The following C16orf82 variants were observed in gnomAD, a reference collection of about 807,000 sequenced individuals.
The protein encoded by C16orf82 is chromosome 16 open reading frame 82.
For synonymous variants in C16orf82, 82 were observed against 85.5 expected (o/e 0.96, Z 0.22); for missense variants, 176 against 206.1 (o/e 0.85, Z 0.89).
rs370002752 is a variant in C16orf82, at chr16:27,067,084, G to A, written c.89G>A (p.Ser30Asn). The A allele has an allele frequency of 5.6e-5, 77 of 1,367,620 alleles. No individual in the cohort carries two copies. In the African/African-American group the frequency reaches 1.0e-3, roughly 19 times the overall value. 84.7% of individuals were successfully genotyped at this position (1,367,620 alleles called of 1,614,324 possible). The stretch of plus-strand genomic sequence containing the variant: ...CAGAATGAGCAGGAAGGAGAGCCAA[G>A]CCTACAGTCACCCAGCTTAGAGCTC... The change falls in exon 1 of 1, where the codon AGC becomes AAC. Residue 30 changes from serine (S) to asparagine (N), a missense_variant. Coordinates refer to ENST00000505035, the MANE Select transcript of C16orf82 (RefSeq NM_001145545.2).
In C16orf82 at chr16:27,068,764, C is replaced by T. The variant is rs1324860504; in HGVS notation, c.*1304C>T. On this transcript the variant is annotated 3_prime_UTR_variant, in exon 1 of 1. Transcript: ENST00000505035. ...AGTGCTGTCTCTGGACATCTTCAGC[C>T]CAGAATCTTCTCAGGAGCAAAGGCT... The T allele has an allele frequency of 6.0e-6, 1 of 166,170 alleles. No homozygotes were observed. Among genetic ancestry groups the T allele is most frequent in the Non-Finnish European group, 1.5e-5 (1 of 68,084 alleles). 10.3% of individuals were successfully genotyped at this position (166,170 alleles called of 1,614,324 possible). A position where few individuals can be genotyped will look rare whatever the true frequency, so the allele number is the denominator to read the frequency against.
chr16:27,067,032 G>A lies in C16orf82; in HGVS notation c.37G>A (p.Glu13Lys), dbSNP rs369685237. 9.7e-5 allele frequency: 132 copies of A among 1,367,650 alleles called. No homozygotes were observed. In the East Asian group the frequency reaches 2.9e-3, roughly 30 times the overall value. The allele number at this position is 1,367,650 out of a possible 1,614,324, so 84.7% of individuals were successfully genotyped here. Residue 13 changes from glutamate (E) to lysine (K), a missense_variant, in exon 1 of 1, where the codon GAG (glutamate) becomes AAG (lysine). Transcript: ENST00000505035. ...ACTTCAGCTGCCCCCCATTTTTCTC[G>A]AGGGAGAAAAAGGGGAATCCTCTGT...
chr16:27,067,600 A>G lies in C16orf82; in HGVS notation c.*140A>G. On this transcript the variant is annotated 3_prime_UTR_variant, in exon 1 of 1. Transcript: ENST00000505035. ...AGCCAGCCTTCCCTCCACCCAGGCC[A>G]GCAGCCGTCAGAGCGTCCGGCTGGA... 1 of 620,478 alleles carries G rather than the reference A, an allele frequency of 1.6e-6. No homozygotes were observed. The highest frequency in any genetic ancestry group is 2.4e-6 in the Non-Finnish European group (1 of 409,720). 38.4% of individuals were successfully genotyped at this position (620,478 alleles called of 1,614,324 possible).
Position 27,067,172 on chromosome 16 carries a change from C to G in C16orf82, c.177C>G (p.Ser59Arg). The G allele has an allele frequency of 7.3e-7, 1 of 1,366,654 alleles. No individual in the cohort carries two copies. The highest frequency in any genetic ancestry group is 1.1e-5 in the South Asian group (1 of 87,828). 84.7% of individuals were successfully genotyped at this position (1,366,654 alleles called of 1,614,324 possible). Residue 59 changes from serine to arginine, a missense_variant, in exon 1 of 1, where the codon AGC (serine) becomes AGG (arginine). Coordinates refer to ENST00000505035, the MANE Select transcript of C16orf82 (RefSeq NM_001145545.2). ...AGGAGCCCCTGAAAGTGTCCAGCAG[C>G]TACCTCAGTGACACCCAGAGCAGCG...
rs1900442015 is a variant in C16orf82 at position 27,068,934 on chromosome 16, G to A, written c.*1474G>A. 1 of 166,892 alleles carries A rather than the reference G, an allele frequency of 6.0e-6. No homozygotes were observed. The highest frequency in any genetic ancestry group is 6.5e-5 in the Admixed American group (1 of 15,270). 10.3% of individuals were successfully genotyped at this position (166,892 alleles called of 1,614,324 possible). A position where few individuals can be genotyped will look rare whatever the true frequency, so the allele number is the denominator to read the frequency against. On this transcript the variant is annotated 3_prime_UTR_variant, in exon 1 of 1. Coordinates refer to ENST00000505035, the MANE Select transcript of C16orf82 (RefSeq NM_001145545.2). ...CAACCCAGCCGGGAACAGCTGCGAT[G>A]GGGAAGCTCTGGAGCATTTTGTGAG... is the stretch of plus-strand genomic sequence containing the variant.
rs892623248 is a variant in C16orf82, at chr16:27,068,144, C to T, written c.*684C>T. On this transcript the variant is annotated 3_prime_UTR_variant, in exon 1 of 1. Transcript: ENST00000505035. ...CATCTATAACAAGATCCATCAATGGCAAAACCATCTGTAGTCAGCAGCATC... is the reference window on the plus strand; with the variant it reads ...CATCTATAACAAGATCCATCAATGGTAAAACCATCTGTAGTCAGCAGCATC... 1.8e-5 allele frequency: 3 copies of T among 167,392 alleles called. No homozygotes were observed. In the Admixed American group the frequency reaches 2.0e-4, roughly 11 times the overall value. The allele number at this position is 167,392 out of a possible 1,614,324, so 10.4% of individuals were successfully genotyped here.
rs752892652 is a variant in C16orf82, at chr16:27,067,158, A to G, written c.163A>G (p.Lys55Glu). ...TGCAGGAGTGGCTCAGGAGCCCCTGAAAGTGTCCAGCAGCTACCTCAGTGA... is the reference window on the plus strand; with the variant it reads ...TGCAGGAGTGGCTCAGGAGCCCCTGGAAGTGTCCAGCAGCTACCTCAGTGA... The change falls in exon 1 of 1, where the codon AAA becomes GAA. Residue 55 changes from lysine (K) to glutamate (E), a missense_variant. Lys to Glu is a moderately conservative substitution (Grantham distance 56, BLOSUM62 1). Transcript: ENST00000505035. 5 of 1,366,538 alleles carry G rather than the reference A, an allele frequency of 3.7e-6. No individual in the cohort carries two copies. The Admixed American group carries it at 5.7e-5, about 16-fold the overall frequency. The allele number at this position is 1,366,538 out of a possible 1,614,324, so 84.7% of individuals were successfully genotyped here.
chr16:27,067,558 G>C lies in C16orf82; in HGVS notation c.*98G>C. 1 of 937,714 alleles carries C rather than the reference G, an allele frequency of 1.1e-6. No individual in the cohort carries two copies. The highest frequency in any genetic ancestry group is 1.4e-6 in the Non-Finnish European group (1 of 698,774). The allele number at this position is 937,714 out of a possible 1,614,324, so 58.1% of individuals were successfully genotyped here. On this transcript the variant is annotated 3_prime_UTR_variant, in exon 1 of 1. Coordinates refer to ENST00000505035, the MANE Select transcript of C16orf82 (RefSeq NM_001145545.2). ...TGCCCTCACCTACAAGGTGAGCAGC[G>C]GGCTGCTGACTTCCACAGCCAGCCT...
chr16:27,067,104 G>A lies in C16orf82; in HGVS notation c.109G>A (p.Glu37Lys). 1 of 1,367,484 alleles carries A rather than the reference G, an allele frequency of 7.3e-7. No individual in the cohort carries two copies. Among genetic ancestry groups the A allele is most frequent in the Non-Finnish European group, 9.8e-7 (1 of 1,021,748 alleles). 84.7% of individuals were successfully genotyped at this position (1,367,484 alleles called of 1,614,324 possible). Residue 37 changes from glutamate to lysine, a missense_variant, in exon 1 of 1, where the codon GAG becomes AAG. Glu to Lys is a moderately conservative substitution (Grantham distance 56). Transcript: ENST00000505035. ...GCCAAGCCTACAGTCACCCAGCTTA[G>A]AGCTCCAGTCCCCTGCGTGGCCACG... is the stretch of plus-strand genomic sequence containing the variant.
rs1451586871 is a variant in C16orf82, at chr16:27,067,366, C to T, written c.371C>T (p.Thr124Ile). The change falls in exon 1 of 1, where the codon ACC (threonine) becomes ATC (isoleucine). Residue 124 changes from threonine to isoleucine, a missense_variant. Physicochemically the swap from Thr to Ile is moderately conservative, Grantham distance 89. Transcript: ENST00000505035. Reference sequence around the variant, plus strand: ...AACACCCAGGCGGCCAGTAACCAAACCAGCCAGCTGGGCTCCATAGACCCT... The same window carrying T: ...AACACCCAGGCGGCCAGTAACCAAATCAGCCAGCTGGGCTCCATAGACCCT... 1.5e-6 allele frequency: 2 copies of T among 1,339,328 alleles called. No individual in the cohort carries two copies. Among genetic ancestry groups the T allele is most frequent in the Non-Finnish European group, 2.0e-6 (2 of 1,008,624 alleles). 83.0% of individuals were successfully genotyped at this position (1,339,328 alleles called of 1,614,324 possible). A position where few individuals can be genotyped will look rare whatever the true frequency, so the allele number is the denominator to read the frequency against.
chr16:27,067,522 T>A lies in C16orf82; in HGVS notation c.*62T>A. ...CCTGTCCAGCGCCAGCTTCATCAGC[T>A]TGGGCAGCAGTGCCCTCACCTACAA... On this transcript the variant is annotated 3_prime_UTR_variant, in exon 1 of 1. Transcript: ENST00000505035. 8.3e-7 allele frequency: 1 copy of A among 1,210,622 alleles called. No individual in the cohort carries two copies. Among genetic ancestry groups the A allele is most frequent in the Non-Finnish European group, 1.1e-6 (1 of 930,560 alleles). The allele number at this position is 1,210,622 out of a possible 1,614,324, so 75.0% of individuals were successfully genotyped here.
In C16orf82 at chr16:27,067,018, C is replaced by T. The variant is rs369651644; in HGVS notation, c.23C>T (p.Pro8Leu). The T allele has an allele frequency of 2.3e-5, 32 of 1,367,616 alleles. No individual in the cohort carries two copies. The highest frequency in any genetic ancestry group is 3.0e-5 in the Non-Finnish European group (31 of 1,021,884). 84.7% of individuals were successfully genotyped at this position (1,367,616 alleles called of 1,614,324 possible). A position where few individuals can be genotyped will look rare whatever the true frequency, so the allele number is the denominator to read the frequency against. Residue 8 changes from proline (P) to leucine (L), a missense_variant, in exon 1 of 1, where the codon CCC becomes CTC. By Grantham distance (98) the Pro-to-Leu change is moderately conservative. Transcript: ENST00000505035. ...TCCCTGGATAAACCACTTCAGCTGC[C>T]CCCCATTTTTCTCGAGGGAGAAAAA...
At position 27,068,093 on chromosome 16, in the gene C16orf82, A is replaced by G. The variant is rs1900424809; in HGVS notation, c.*633A>G. On this transcript the variant is annotated 3_prime_UTR_variant, in exon 1 of 1. Transcript: ENST00000505035. Reference sequence around the variant, plus strand: ...TGTCAAAACAGCGAAGAGTAATGACATCGACTGTGAACTTCAGTGACAAGC... The same window carrying G: ...TGTCAAAACAGCGAAGAGTAATGACGTCGACTGTGAACTTCAGTGACAAGC... The G allele has an allele frequency of 6.0e-6, 1 of 167,404 alleles. No individual in the cohort carries two copies. Among genetic ancestry groups the G allele is most frequent in the Non-Finnish European group, 1.5e-5 (1 of 68,872 alleles). The allele number at this position is 167,404 out of a possible 1,614,324, so 10.4% of individuals were successfully genotyped here.
rs1405944192 is a variant in C16orf82, at chr16:27,067,391, T to C, written c.396T>C (p.Pro132=). ...CCAGCCAGCTGGGCTCCATAGACCCTCCCAGCTCTCTAAAGAGCCGGCTGA... is the reference window on the plus strand; with the variant it reads ...CCAGCCAGCTGGGCTCCATAGACCCCCCCAGCTCTCTAAAGAGCCGGCTGA... The change falls in exon 1 of 1, where the codon CCT becomes CCC. Residue 132 remains proline, a synonymous_variant. Transcript: ENST00000505035. The C allele has an allele frequency of 7.5e-7, 1 of 1,332,984 alleles. No individual in the cohort carries two copies. Among genetic ancestry groups the C allele is most frequent in the Non-Finnish European group, 9.9e-7 (1 of 1,005,474 alleles). The allele number at this position is 1,332,984 out of a possible 1,614,324, so 82.6% of individuals were successfully genotyped here. A position where few individuals can be genotyped will look rare whatever the true frequency, so the allele number is the denominator to read the frequency against.
chr16:27,067,542 C>A lies in C16orf82; in HGVS notation c.*82C>A. The A allele has an allele frequency of 9.3e-7, 1 of 1,076,190 alleles. No homozygotes were observed. The highest frequency in any genetic ancestry group is 1.7e-5 in the African/African-American group (1 of 60,432). The allele number at this position is 1,076,190 out of a possible 1,614,324, so 66.7% of individuals were successfully genotyped here. On this transcript the variant is annotated 3_prime_UTR_variant, in exon 1 of 1. Coordinates refer to ENST00000505035, the MANE Select transcript of C16orf82 (RefSeq NM_001145545.2). ...TCAGCTTGGGCAGCAGTGCCCTCAC[C>A]TACAAGGTGAGCAGCGGGCTGCTGA...
rs12446622 is a variant in C16orf82, at chr16:27,067,546, A to C, written c.*86A>C. 1 allele frequency: 1,014,458 copies of C among 1,015,376 alleles called. 506,776 individuals are homozygous for C. Among genetic ancestry groups the C allele is most frequent in the South Asian group, 1 (62,738 of 62,740 alleles). 62.9% of individuals were successfully genotyped at this position (1,015,376 alleles called of 1,614,324 possible). A position where few individuals can be genotyped will look rare whatever the true frequency, so the allele number is the denominator to read the frequency against. On this transcript the variant is annotated 3_prime_UTR_variant, in exon 1 of 1. Transcript: ENST00000505035. Reference sequence around the variant, plus strand: ...CTTGGGCAGCAGTGCCCTCACCTACAAGGTGAGCAGCGGGCTGCTGACTTC... The same window carrying C: ...CTTGGGCAGCAGTGCCCTCACCTACCAGGTGAGCAGCGGGCTGCTGACTTC...
At position 27,068,707 on chromosome 16, in the gene C16orf82, C is replaced by A. The variant is rs2141954645; in HGVS notation, c.*1247C>A. 1 of 165,838 alleles carries A rather than the reference C, an allele frequency of 6.0e-6. No individual in the cohort carries two copies. The allele number at this position is 165,838 out of a possible 1,614,324, so 10.3% of individuals were successfully genotyped here. ...TTGGGAGGCACCATCCCAGAGAGCT[C>A]CAAGCGTCCTTTTTTTTTTTTTTTT... On this transcript the variant is annotated 3_prime_UTR_variant, in exon 1 of 1. Transcript: ENST00000505035.
rs116559480 is a variant in C16orf82, at chr16:27,067,663, G to A, written c.*203G>A. 3,575 of 391,024 alleles carry A rather than the reference G, an allele frequency of 9.1e-3. 120 individuals are homozygous for A. Among genetic ancestry groups the A allele is most frequent in the African/African-American group, 0.069 (3,232 of 47,154 alleles). The allele number at this position is 391,024 out of a possible 1,614,324, so 24.2% of individuals were successfully genotyped here. A position where few individuals can be genotyped will look rare whatever the true frequency, so the allele number is the denominator to read the frequency against. ...AAACAGGCAGAGCAGCCACACCAGC[G>A]TGCAGGAGGACAAGACGGGCGGCAA... On this transcript the variant is annotated 3_prime_UTR_variant, in exon 1 of 1. Transcript: ENST00000505035.
rs114570071 is a variant in C16orf82 at position 27,067,618 on chromosome 16, C to G, written c.*158C>G. On this transcript the variant is annotated 3_prime_UTR_variant, in exon 1 of 1. Coordinates refer to ENST00000505035, the MANE Select transcript of C16orf82 (RefSeq NM_001145545.2). ...CCAGGCCAGCAGCCGTCAGAGCGTC[C>G]GGCTGGATGGCAGTGCCCAAAACAG... The G allele has an allele frequency of 0.021, 10,717 of 522,172 alleles. 419 individuals carry two copies. Among genetic ancestry groups the G allele is most frequent in the African/African-American group, 0.12 (5,742 of 49,468 alleles). 32.3% of individuals were successfully genotyped at this position (522,172 alleles called of 1,614,324 possible). A position where few individuals can be genotyped will look rare whatever the true frequency, so the allele number is the denominator to read the frequency against.
Sources: gnomAD v4.1 joint callset for allele counts on GRCh38, gnomAD v4.1.1 for gene constraint, MANE v1.5 for transcripts, NCBI Gene and HGNC (gene_info 2026-07-23, HGNC 2026-07-21) for gene names.